The following LRRC8C variants were observed in gnomAD, a reference collection of about 807,000 sequenced individuals.
The protein encoded by LRRC8C is volume-regulated anion channel subunit LRRC8C.
LRRC8C carries 20 observed loss-of-function variants against 55.3 expected under a neutral mutation model. That is an observed-to-expected ratio of 0.36 (90% CI 0.25 to 0.53). The LOEUF is 0.53. Ranked by LOEUF, LRRC8C falls within the 20% of genes least tolerant of loss-of-function variation. LRRC8C has a pLI of 0.92. For synonymous variants in LRRC8C, 376 were observed against 360.7 expected (o/e 1.04, Z -0.48); for missense variants, 659 against 951.4 (o/e 0.69, Z 4.04).
chr1:89,631,581 A>T (rs925573757), upstream of LRRC8C: 2 of 151,940 alleles, frequency 1.3e-5, no homozygotes, highest in African/African-American at 4.8e-5. Flanking sequence ...TACCCTGGTG[A>T]CTTACAAGGT....
chr1:89,664,206 A>C (rs943763910), intron 1 of LRRC8C, among the ~76,000 whole-genome samples: 2 of 152,100 alleles, frequency 1.3e-5, no homozygotes, highest in Admixed American at 6.5e-5. Context: ...TTAGTCATGA[A>C]GTCTTTGCCC....
chr1:89,654,157 G>A (rs1656872046), intron 1 of LRRC8C, among the ~76,000 whole-genome samples: 1 of 152,166 alleles, frequency 6.6e-6, no homozygotes. Context: ...ATTTTCTTAA[G>A]TGAAACAACT....
intron 1 of LRRC8C, among the ~76,000 whole-genome samples, chr1:89,670,640 A>T (rs1466383360): frequency 1.3e-5 from 2 of 152,230 alleles, no homozygotes; most frequent in Non-Finnish European, 2.9e-5. Context: ...TATTGAATAT[A>T]TAGAAGTTTA....
intron 1 of LRRC8C, among the ~76,000 whole-genome samples, chr1:89,646,418 C>T (rs185395322): frequency 6.6e-6 from 1 of 152,096 alleles, no homozygotes; most frequent in Non-Finnish European, 1.5e-5. Context: ...TAACCAAAAA[C>T]TTTCCCATAA....
the LRRC8C span, among the ~76,000 whole-genome samples, chr1:89,627,794 C>A: frequency 6.6e-6 from 1 of 152,114 alleles, no homozygotes; most frequent in Non-Finnish European, 1.5e-5. Flanking sequence ...AATAATACTG[C>A]CTGTGTAATG....
At chr1:89,654,144 G>C (rs1656871496) in intron 1 of LRRC8C, among the ~76,000 whole-genome samples, 4 of 152,148 alleles carry the variant, frequency 2.6e-5, no homozygotes, top group African/African-American at 7.2e-5. Context: ...AGAACTGGAG[G>C]CCATTTTCTT....
chr1:89,655,230 T>A (rs1172315562), intron 1 of LRRC8C, among the ~76,000 whole-genome samples: 3 of 152,178 alleles, frequency 2.0e-5, no homozygotes. Context: ...GCTGATTTTT[T>A]CATTATCTTA....
In LRRC8C at chr1:89,664,297, C is replaced by G. The variant is rs1385950567; in HGVS notation, c.-4-22173C>G. On this transcript the variant is annotated intron_variant, in intron 1 of 2. Transcript: ENST00000370454. The stretch of plus-strand genomic sequence containing the variant: ...TATGTCTTACAGTTAAGTCTTTAAT[C>G]TATCTTGAGTTAATTTTTGTATAAT... Among the ~76,000 whole-genome samples the G allele has an allele frequency of 2.0e-5, 3 of 152,146 alleles. No homozygotes were observed. The East Asian group carries it at 5.8e-4, about 29-fold the overall frequency.
intron 1 of LRRC8C, among the ~76,000 whole-genome samples, chr1:89,678,209 A>G (rs989228971): frequency 6.6e-6 from 1 of 152,274 alleles, no homozygotes; most frequent in African/African-American, 2.4e-5. Flanking sequence ...AAATTGCAAA[A>G]GCAATTATAT....
At chr1:89,618,590 GA>G in the LRRC8C span, among the ~76,000 whole-genome samples, 8 of 152,178 alleles carry the variant, frequency 5.3e-5, no homozygotes, top group Non-Finnish European at 1.0e-4. Flanking sequence ...AAAGTGATGA[GA>G]GCAAAACTAG....
intron 1 of LRRC8C, among the ~76,000 whole-genome samples, chr1:89,680,321 C>G (rs528487977): frequency 6.6e-6 from 1 of 152,210 alleles, no homozygotes; most frequent in East Asian, 1.9e-4. Flanking sequence ...TTGTGATCCG[C>G]CCACCTCGGC....
At chr1:89,660,282 G>A (rs138607384) in intron 1 of LRRC8C, among the ~76,000 whole-genome samples, 15 of 152,304 alleles carry the variant, frequency 9.8e-5, no homozygotes, top group Middle Eastern at 3.4e-3. Context: ...CACTTAGTGC[G>A]TAGCTGTACT....
chr1:89,675,520 A>G (rs1007825717), intron 1 of LRRC8C, among the ~76,000 whole-genome samples: 1 of 152,180 alleles, frequency 6.6e-6, no homozygotes, highest in African/African-American at 2.4e-5. Context: ...CTCTTTGTTC[A>G]AGGGGTAAAA....
At chr1:89,694,522 G>A (rs1658111562) in intron 2 of LRRC8C, among the ~76,000 whole-genome samples, 1 of 150,334 alleles carries the variant, frequency 6.7e-6, no homozygotes, top group South Asian at 2.1e-4. Context: ...GGGCTCTAGT[G>A]ATCTTCCTGC....
chr1:89,639,136 C>T (rs1656385226), intron 1 of LRRC8C, among the ~76,000 whole-genome samples: 1 of 151,992 alleles, frequency 6.6e-6, no homozygotes, highest in Non-Finnish European at 1.5e-5. Context: ...CAGGCACAAG[C>T]CACCACGTCT....
At chr1:89,649,429 TTCCTTA>T (rs1424671463) in intron 1 of LRRC8C, among the ~76,000 whole-genome samples, 2 of 152,226 alleles carry the variant, frequency 1.3e-5, no homozygotes, top group East Asian at 3.8e-4. Flanking sequence ...GTTGTTCTTG[TTCCTTA>T]TCCCTAGTGA....
In LRRC8C at chr1:89,713,814, G is replaced by A; in HGVS notation, c.1244G>A (p.Arg415Lys). ...LNNEWTPDKL[R>K]QKLQTNAHNR... ...AACGAATGGACTCCTGATAAACTGA[G>A]GCAGAAGCTACAGACAAATGCCCAT... The change falls in exon 3 of 3, where the codon AGG (arginine) becomes AAG (lysine). Residue 415 changes from arginine to lysine, a missense_variant. Physicochemically the swap from Arg to Lys is conservative, Grantham distance 26. Transcript: ENST00000370454. The surrounding 1 kb of genome is among the most constrained non-coding windows in gnomAD (Gnocchi z 5.2). 1 of 1,614,168 alleles carries A rather than the reference G, an allele frequency of 6.2e-7. No homozygotes were observed. The highest frequency in any genetic ancestry group is 8.5e-7 in the Non-Finnish European group (1 of 1,180,032).
chr1:89,664,509 T>C (rs1657204280), intron 1 of LRRC8C, among the ~76,000 whole-genome samples: 2 of 152,238 alleles, frequency 1.3e-5, no homozygotes, highest in South Asian at 4.1e-4. Context: ...ATATTTGTGT[T>C]TTGGTACCAG....
intron 1 of LRRC8C, among the ~76,000 whole-genome samples, chr1:89,661,005 T>C (rs1480665288): frequency 6.6e-6 from 1 of 152,236 alleles, no homozygotes; most frequent in Non-Finnish European, 1.5e-5. Flanking sequence ...TGTATTCCTT[T>C]GCTTGTCTCA....
Sources: allele counts gnomAD v4.1 joint callset (sites outside exome capture counted in the v4.1 genomes callset), GRCh38; gene constraint gnomAD v4.1.1; non-coding constraint Gnocchi (gnomAD v3.1); transcripts MANE v1.5; gene names NCBI Gene and HGNC (gene_info 2026-07-23, HGNC 2026-07-21).